ASCC3: variants seen among roughly 807,000 people sequenced by gnomAD.
The protein encoded by ASCC3 is activating signal cointegrator 1 complex subunit 3.
Under a neutral mutation model 256.3 loss-of-function variants are expected in ASCC3, and 158 were observed. The ratio of observed to expected loss-of-function variants is 0.62; its 90% CI spans 0.54 to 0.70. The LOEUF is 0.70. ASCC3 is among the 30% of genes least tolerant of loss of function. The pLI is 0.00. For missense variants in ASCC3, 2,259 were observed against 2,626.0 expected (o/e 0.86, Z 3.05); for synonymous variants, 948 against 883.4 (o/e 1.07, Z -1.30).
intron 24 of ASCC3, among the ~76,000 whole-genome samples, chr6:100,639,330 A>C (rs1774999159): frequency 6.6e-6 from 1 of 152,202 alleles, no homozygotes; most frequent in African/African-American, 2.4e-5. Context: ...TTTTAAAGCA[A>C]AGCATGACTG....
intron 8 of ASCC3, among the ~76,000 whole-genome samples, chr6:100,786,194 T>TA: frequency 6.6e-6 from 1 of 152,286 alleles, no homozygotes; most frequent in Non-Finnish European, 1.5e-5. Flanking sequence ...AGCACACTCT[T>TA]AACAATAACT....
At chr6:100,670,833 A>T (rs182169767) in intron 14 of ASCC3, among the ~76,000 whole-genome samples, 1 of 152,140 alleles carries the variant, frequency 6.6e-6, no homozygotes, top group Non-Finnish European at 1.5e-5. Context: ...AATTTTTCTA[A>T]TGTATATCAT....
intron 10 of ASCC3, among the ~76,000 whole-genome samples, chr6:100,734,332 C>T (rs6911786): frequency 0.02 from 2,966 of 152,068 alleles, 88 homozygotes; most frequent in African/African-American, 0.068. Context: ...GTTTTTGATA[C>T]GACATAAATA....
At chr6:100,620,223 C>A (rs1400776546) in intron 30 of ASCC3, among the ~76,000 whole-genome samples, 1 of 152,050 alleles carries the variant, frequency 6.6e-6, no homozygotes, top group African/African-American at 2.4e-5. Flanking sequence ...GAGAATGATG[C>A]AAAGACCTAA....
chr6:100,718,398 G>A, intron 11 of ASCC3, 147 bp from the exon 12 acceptor site: 2 of 610,316 alleles, frequency 3.3e-6, no homozygotes, highest in Non-Finnish European at 5.5e-6. Flanking sequence ...GTCAGACATT[G>A]TAGCCCATAA....
rs538656016 is a variant in ASCC3, at chr6:100,705,744, C to T, written c.2151+9718G>A. Among the ~76,000 whole-genome samples the T allele has an allele frequency of 1.3e-5, 2 of 152,024 alleles. 1 individual carries two copies. Among genetic ancestry groups the T allele is most frequent in the South Asian group, 4.2e-4 (2 of 4,818 alleles). ...ATTAGAATAGACTGCATATTTCTTA[C>T]TGCTGTACACTGTATTACTAAAACT... On this transcript the variant is annotated intron_variant, in intron 13 of 41. Transcript: ENST00000369162.
At chr6:100,795,206 A>AC (rs1554231919) in intron 8 of ASCC3, among the ~76,000 whole-genome samples, 6 of 151,460 alleles carry the variant, frequency 4.0e-5, no homozygotes, top group Admixed American at 2.6e-4. Flanking sequence ...GAAAAAAAAA[A>AC]CCCATTGCTT....
chr6:100,568,139 G>A (rs1770367896), intron 36 of ASCC3, among the ~76,000 whole-genome samples: 1 of 151,894 alleles, frequency 6.6e-6, no homozygotes, highest in Admixed American at 6.6e-5. Context: ...AGGCTGAGGT[G>A]GGAGGATCAC....
chr6:100,766,491 T>C (rs553833730), intron 10 of ASCC3, 74 bp downstream of exon 10: 20 of 1,399,866 alleles, frequency 1.4e-5, no homozygotes, highest in African/African-American at 1.1e-4. Context: ...ATTTAAGATA[T>C]AGTCATTTAA....
At chr6:100,718,300 CA>C in intron 11 of ASCC3, 49 bp from the exon 12 acceptor site, 3 of 1,449,164 alleles carry the variant, frequency 2.1e-6, no homozygotes, top group Non-Finnish European at 2.8e-6. Context: ...TTAATTTAAC[CA>C]AAAAACATTA....
At chr6:100,864,336 T>C (rs1016674537) in intron 2 of ASCC3, 122 bp from the exon 3 acceptor site, 3 of 866,340 alleles carry the variant, frequency 3.5e-6, no homozygotes. Context: ...TTCAAAGTTG[T>C]ATCTATTCAC....
chr6:100,768,121 A>G (rs1462520801), intron 8 of ASCC3, among the ~76,000 whole-genome samples: 1 of 152,184 alleles, frequency 6.6e-6, no homozygotes, highest in African/African-American at 2.4e-5. Context: ...TATGTTTATA[A>G]AAAAACCTTT....
intron 14 of ASCC3, among the ~76,000 whole-genome samples, chr6:100,677,492 C>A (rs1777084227): frequency 6.6e-6 from 1 of 152,012 alleles, no homozygotes; most frequent in Non-Finnish European, 1.5e-5. Context: ...ATATGAGATT[C>A]TCTGTGAAAA....
At chr6:100,787,941 G>A (rs556189598) in intron 8 of ASCC3, among the ~76,000 whole-genome samples, 63 of 150,574 alleles carry the variant, frequency 4.2e-4, no homozygotes, top group Non-Finnish European at 7.2e-4. Flanking sequence ...GCTTACATAT[G>A]ACCAAAAAGC....
rs1223962411 is a variant in ASCC3 at position 100,509,299 on chromosome 6, G to A, written c.*87C>T. The A allele has an allele frequency of 2.6e-6, 4 of 1,551,938 alleles. No homozygotes were observed. The highest frequency in any genetic ancestry group is 2.7e-5 in the African/African-American group (2 of 73,714). ...TGAGGTTAGAAGTTGATTCTTTCAA[G>A]GCAAACATCAAGTAATTCGATTTGT... On this transcript the variant is annotated 3_prime_UTR_variant, in exon 42 of 42. Coordinates refer to ENST00000369162, the MANE Select transcript of ASCC3 (RefSeq NM_006828.4).
chr6:100,730,214 T>A (rs1362999442), intron 10 of ASCC3, among the ~76,000 whole-genome samples: 2 of 152,026 alleles, frequency 1.3e-5, no homozygotes, highest in Non-Finnish European at 2.9e-5. Context: ...GGAGGATTGC[T>A]TGAGCCCAGG....
At chr6:100,576,622 T>C (rs1002976106) in intron 36 of ASCC3, among the ~76,000 whole-genome samples, 1 of 152,074 alleles carries the variant, frequency 6.6e-6, no homozygotes, top group African/African-American at 2.4e-5. Flanking sequence ...ATTTGATGCT[T>C]ATAAATAATG....
chr6:100,677,026 GT>G (rs1160304129), intron 14 of ASCC3, among the ~76,000 whole-genome samples: 3 of 152,042 alleles, frequency 2.0e-5, no homozygotes, highest in African/African-American at 7.2e-5. Flanking sequence ...AAATTTTAAT[GT>G]TTTGGGTTCT....
At chr6:100,589,584 C>T in intron 36 of ASCC3, 50 bp downstream of exon 36, 1 of 1,608,218 alleles carries the variant, frequency 6.2e-7, no homozygotes. Context: ...GGTGGCAAAA[C>T]TTTAAGCCCT....
Sources: allele counts gnomAD v4.1 joint callset (sites outside exome capture counted in the v4.1 genomes callset), GRCh38; gene constraint gnomAD v4.1.1; transcripts MANE v1.5; gene names NCBI Gene and HGNC (gene_info 2026-07-23, HGNC 2026-07-21).